Variants in FTCDNL1 observed in about 807,000 individuals in gnomAD.
FTCDNL1 encodes the protein formiminotransferase N-terminal subdomain-containing protein.
A neutral mutation model predicts 5.9 loss-of-function variants in FTCDNL1; 11 were observed. The observed-to-expected ratio is 1.87, with a 90% CI of 1.18 to 3.10. The LOEUF is 3.10. Among genes scored for constraint, FTCDNL1 ranks in the 30% most tolerant of loss-of-function variants. The pLI, the probability that FTCDNL1 is intolerant of heterozygous loss-of-function variation, is 0.00. For synonymous variants in FTCDNL1, 58 were observed against 24.8 expected, an observed-to-expected ratio of 2.34 and a Z score of -3.99; for missense variants, 115 against 65.5, an observed-to-expected ratio of 1.76 and a Z score of -2.61.
the FTCDNL1 span, among the ~76,000 whole-genome samples, chr2:199,713,120 T>A: frequency 6.6e-6 from 1 of 152,198 alleles, no homozygotes; most frequent in Non-Finnish European, 1.5e-5. Flanking sequence ...TTCATCACAT[T>A]CTTTTTTCTT....
chr2:199,752,955 T>C, the FTCDNL1 span, among the ~76,000 whole-genome samples: 1 of 152,094 alleles, frequency 6.6e-6, no homozygotes, highest in Non-Finnish European at 1.5e-5. Flanking sequence ...GACACAGCAG[T>C]GTATCTAATT....
chr2:199,731,239 C>G, the FTCDNL1 span, among the ~76,000 whole-genome samples: 2 of 152,132 alleles, frequency 1.3e-5, no homozygotes, highest in African/African-American at 4.8e-5. Flanking sequence ...AAACACCTAA[C>G]ACATGTGGGG....
chr2:199,710,332 G>C, the FTCDNL1 span, among the ~76,000 whole-genome samples: 3 of 152,098 alleles, frequency 2.0e-5, no homozygotes, highest in Non-Finnish European at 2.9e-5. Flanking sequence ...TTTTTTTCAG[G>C]TGTGAGTTAT....
chr2:199,722,853 G>T, the FTCDNL1 span, among the ~76,000 whole-genome samples: 1 of 152,054 alleles, frequency 6.6e-6, no homozygotes, highest in Admixed American at 6.6e-5. Context: ...CTTGTTAGTT[G>T]TATTCCTGGG....
At chr2:199,800,836 G>C (rs1278913118) in intron 3 of FTCDNL1, among the ~76,000 whole-genome samples, 1 of 152,162 alleles carries the variant, frequency 6.6e-6, no homozygotes, top group Admixed American at 6.6e-5. Context: ...CAGAAATTCT[G>C]ATCAATTCTG....
the FTCDNL1 span, among the ~76,000 whole-genome samples, chr2:199,710,957 T>A: frequency 2.6e-5 from 4 of 152,164 alleles, no homozygotes; most frequent in East Asian, 7.7e-4. Context: ...AGAGATTAAA[T>A]AAAATGCACT....
chr2:199,847,136 G>A (rs910462176), intron 2 of FTCDNL1, among the ~76,000 whole-genome samples: 1 of 151,998 alleles, frequency 6.6e-6, no homozygotes, highest in Non-Finnish European at 1.5e-5. Context: ...CCCTGGTGTA[G>A]GTCTAAAATT....
In FTCDNL1 at chr2:199,810,097, G is replaced by A. The variant is rs1477463553; in HGVS notation, c.*2608C>T. On this transcript the variant is annotated 3_prime_UTR_variant, in exon 5 of 5. Coordinates refer to ENST00000420128, the MANE Select transcript of FTCDNL1 (RefSeq NM_001363886.2). The stretch of plus-strand genomic sequence containing the variant: ...AATACCAACAGAGAAAGAAAAGCAC[G>A]GTTAAGAGCTAAGCGTCATCAGCAG... 6.6e-6 allele frequency among the ~76,000 whole-genome samples: 1 copy of A among 152,046 alleles called. No individual in the cohort carries two copies. Among genetic ancestry groups the A allele is most frequent in the Non-Finnish European group, 1.5e-5 (1 of 67,974 alleles).
intron 4 of FTCDNL1, among the ~76,000 whole-genome samples, chr2:199,812,976 T>C (rs1298959815): frequency 6.6e-6 from 1 of 152,242 alleles, no homozygotes; most frequent in Admixed American, 6.5e-5. Flanking sequence ...GTGATTTAGA[T>C]ATTGTTGAGA....
the FTCDNL1 span, among the ~76,000 whole-genome samples, chr2:199,752,003 T>G: frequency 1.3e-5 from 2 of 152,150 alleles, no homozygotes; most frequent in South Asian, 4.2e-4. Context: ...GGTGGATCAC[T>G]AAATACGGAG....
chr2:199,763,341 C>G lies in FTCDNL1; in HGVS notation c.212-2506G>C, dbSNP rs553395009. ...TAGTGTGCACCAAGTTTTGCAGAGC[C>G]TTTTACAATGTGGGTGATTTGCATT... On this transcript the variant is annotated intron_variant, in intron 3 of 3. Coordinates refer to the FTCDNL1 transcript ENST00000416668. 5.3e-5 allele frequency among the ~76,000 whole-genome samples: 8 copies of G among 152,256 alleles called. No individual in the cohort carries two copies. The South Asian group carries it at 1.2e-3, about 24-fold the overall frequency.
the FTCDNL1 span, among the ~76,000 whole-genome samples, chr2:199,687,619 GA>G: frequency 6.6e-6 from 1 of 152,096 alleles, no homozygotes; most frequent in African/African-American, 2.4e-5. Flanking sequence ...CCATCACTGG[GA>G]GGGGGCCAAA....
the FTCDNL1 span, among the ~76,000 whole-genome samples, chr2:199,720,413 T>C: frequency 6.6e-6 from 1 of 152,200 alleles, no homozygotes; most frequent in Non-Finnish European, 1.5e-5. Flanking sequence ...AGGGCTGCCA[T>C]AGCAAATTAC....
chr2:199,788,747 C>G (rs1388816039), intron 3 of FTCDNL1, among the ~76,000 whole-genome samples: 1 of 151,648 alleles, frequency 6.6e-6, no homozygotes, highest in Non-Finnish European at 1.5e-5. Flanking sequence ...ACAAACAGTT[C>G]CTCCTTTGAA....
At chr2:199,813,747 C>G (rs934400057) in intron 4 of FTCDNL1, among the ~76,000 whole-genome samples, 5 of 151,814 alleles carry the variant, frequency 3.3e-5, no homozygotes, top group African/African-American at 1.2e-4. Flanking sequence ...CCCGTCTCTA[C>G]TGAAAATACA....
intron 3 of FTCDNL1, among the ~76,000 whole-genome samples, chr2:199,830,708 G>A (rs1015839496): frequency 3.9e-5 from 6 of 152,038 alleles, no homozygotes; most frequent in African/African-American, 9.7e-5. Flanking sequence ...CAAAGCGACC[G>A]CAATATTCCT....
chr2:199,761,351 C>T (rs979186062), intron 3 of FTCDNL1, among the ~76,000 whole-genome samples: 7 of 152,160 alleles, frequency 4.6e-5, no homozygotes, highest in Non-Finnish European at 7.4e-5. Context: ...CTGTGTACGT[C>T]GAAAATGCAA....
chr2:199,811,142 T>C lies in FTCDNL1; in HGVS notation c.*1563A>G, dbSNP rs898957533. ...GTATTTCCCCATAATGCTGATTTCA[T>C]AAAAATTAAATTTCCTAACAGTCAA... On this transcript the variant is annotated 3_prime_UTR_variant, in exon 5 of 5. Transcript: ENST00000420128. Among the ~76,000 whole-genome samples, 4 of 152,230 alleles carry C rather than the reference T, an allele frequency of 2.6e-5. No individual in the cohort carries two copies. The highest frequency in any genetic ancestry group is 4.8e-5 in the African/African-American group (2 of 41,462).
the FTCDNL1 span, among the ~76,000 whole-genome samples, chr2:199,671,356 T>C: frequency 1.3e-5 from 2 of 151,868 alleles, no homozygotes; most frequent in African/African-American, 4.8e-5. Context: ...CCAAGAAGCA[T>C]ATGCTTATGA....
Sources: gnomAD v4.1 joint callset for allele counts (sites outside exome capture counted in the v4.1 genomes callset) on GRCh38, gnomAD v4.1.1 for gene constraint, MANE v1.5 for transcripts, NCBI Gene and HGNC (gene_info 2026-07-23, HGNC 2026-07-21) for gene names.